The following SVIL variants were observed in gnomAD, a reference collection of about 807,000 sequenced individuals.
The protein encoded by SVIL is supervillin, also known as archvillin.
Under a neutral mutation model 240.4 loss-of-function variants are expected in SVIL, and 101 were observed. The observed-to-expected ratio is 0.42, with a 90% CI of 0.36 to 0.50. SVIL has a LOEUF of 0.50. Ranked by LOEUF, SVIL falls within the 20% of genes least tolerant of loss-of-function variation. The pLI, the probability that SVIL is intolerant of heterozygous loss-of-function variation, is 0.01. For missense variants in SVIL, 2,512 were observed against 2,818.7 expected, an observed-to-expected ratio of 0.89 and a Z score of 2.46; for synonymous variants, 999 against 1,100.0, an observed-to-expected ratio of 0.91 and a Z score of 1.82.
chr10:29,675,683 AT>A (rs545486128), intron 2 of SVIL, among the ~76,000 whole-genome samples: 18 of 151,892 alleles, frequency 1.2e-4, no homozygotes, highest in African/African-American at 3.1e-4. Context: ...AAAACTAATG[AT>A]TTTTTCCCCC....
At chr10:29,730,186 A>T (rs1964539248) in intron 1 of SVIL, among the ~76,000 whole-genome samples, 1 of 152,190 alleles carries the variant, frequency 6.6e-6, no homozygotes, top group Non-Finnish European at 1.5e-5. Context: ...TCTAAAAAAG[A>T]AAAAAGTAAA....
chr10:29,497,173 G>A (rs1208442420), intron 18 of SVIL, among the ~76,000 whole-genome samples: 5 of 152,178 alleles, frequency 3.3e-5, no homozygotes, highest in South Asian at 2.1e-4. Flanking sequence ...GATTTCCCAC[G>A]TCTCGCTCCT....
At chr10:29,637,916 A>T (rs570684934), upstream of SVIL, among the ~76,000 whole-genome samples, 1 of 152,200 alleles carries the variant, frequency 6.6e-6, no homozygotes, top group Non-Finnish European at 1.5e-5. Flanking sequence ...AGATGACAAC[A>T]TTATAGAAAT....
At chr10:29,491,466 G>T (rs970191048) in intron 21 of SVIL, among the ~76,000 whole-genome samples, 1 of 152,098 alleles carries the variant, frequency 6.6e-6, no homozygotes, top group East Asian at 1.9e-4. Context: ...CTCTTCGCTC[G>T]GCCTAAACTT....
intron 11 of SVIL, among the ~76,000 whole-genome samples, chr10:29,530,155 G>A (rs1213416763): frequency 6.6e-6 from 1 of 152,140 alleles, no homozygotes; most frequent in Non-Finnish European, 1.5e-5. Context: ...CCCTGAGTGA[G>A]AGAGTGAGAC....
Position 29,474,005 on chromosome 10 carries a change from G to A in SVIL, c.5378-16C>T. 6.2e-7 allele frequency: 1 copy of A among 1,611,460 alleles called. No homozygotes were observed. The stretch of plus-strand genomic sequence containing the variant: ...CGACTTCCCACTGCAAACACAGAAT[G>A]GCAGAGGGACAGGTCAGCAGCTGAG... On this transcript the variant is annotated splice_polypyrimidine_tract_variant and intron_variant, in intron 29 of 37. Transcript: ENST00000355867.
chr10:29,547,092 A>AT (rs552565504), intron 6 of SVIL, among the ~76,000 whole-genome samples: 2 of 151,918 alleles, frequency 1.3e-5, no homozygotes, highest in African/African-American at 2.4e-5. Flanking sequence ...GTTACCACAT[A>AT]TTTTTTTTGG....
Position 29,725,028 on chromosome 10 carries a change from CAAAAAAAAAA to C in SVIL, c.-400+10713_-400+10722del, listed in dbSNP as rs1187861054. ...TGGGCTACAGAGTGAGACCCGGTCT[CAAAAAAAAAA>C]AAAAAAAAAAAAAAAGCATGCATGC... On this transcript the variant is annotated intron_variant, in intron 1 of 35. Transcript: ENST00000375400. Among the ~76,000 whole-genome samples the C allele has an allele frequency of 7.1e-3, 291 of 40,960 alleles. 2 individuals carry two copies. Among genetic ancestry groups the C allele is most frequent in the South Asian group, 0.048 (36 of 754 alleles). 26.9% of individuals were successfully genotyped at this position (40,960 alleles called of 152,430 possible).
intron 17 of SVIL, among the ~76,000 whole-genome samples, chr10:29,505,208 C>T (rs887415250): frequency 2.6e-5 from 4 of 152,218 alleles, no homozygotes; most frequent in Middle Eastern, 3.4e-3. Context: ...CGCCTGCAAT[C>T]GCAGCTACTC....
At chr10:29,732,373 T>A (rs1964671950) in intron 1 of SVIL, among the ~76,000 whole-genome samples, 1 of 152,194 alleles carries the variant, frequency 6.6e-6, no homozygotes, top group Admixed American at 6.5e-5. Flanking sequence ...AGATGTATTA[T>A]AAGAAATTAT....
chr10:29,709,025 A>G (rs1273273241), intron 1 of SVIL, among the ~76,000 whole-genome samples: 1 of 152,144 alleles, frequency 6.6e-6, no homozygotes, highest in Non-Finnish European at 1.5e-5. Context: ...AAAATTGAAG[A>G]AAAGATTAAA....
chr10:29,644,619 C>T lies in SVIL; in HGVS notation c.-201+13350G>A, dbSNP rs548947129. Among the ~76,000 whole-genome samples the T allele has an allele frequency of 2.8e-3, 427 of 152,084 alleles. 1 individual carries two copies. The highest frequency in any genetic ancestry group is 9.0e-3 in the Admixed American group (137 of 15,268). On this transcript the variant is annotated intron_variant, in intron 3 of 35. Transcript: ENST00000375400. ...CCAGGAGGCGGAGCTTGCAGTGAGC[C>T]GAGATCATGCCACTGCACTCCAGCC...
intron 1 of SVIL, among the ~76,000 whole-genome samples, chr10:29,600,537 A>C (rs942369363): frequency 2.6e-5 from 4 of 152,198 alleles, no homozygotes; most frequent in African/African-American, 9.6e-5. Flanking sequence ...CAGGTTGGCT[A>C]AGGTGCTGTC....
chr10:29,474,584 G>A (rs1362101522), intron 29 of SVIL, among the ~76,000 whole-genome samples: 1 of 147,580 alleles, frequency 6.8e-6, no homozygotes, highest in Non-Finnish European at 1.5e-5. Context: ...GACAGAGTGA[G>A]ACTCTCTTAC....
chr10:29,477,100 T>C (rs1311074271), intron 29 of SVIL, among the ~76,000 whole-genome samples: 1 of 152,150 alleles, frequency 6.6e-6, no homozygotes, highest in Admixed American at 6.5e-5. Context: ...CCTGACCTCG[T>C]GATTTGCCTG....
chr10:29,616,385 G>A (rs532542198), intron 1 of SVIL, among the ~76,000 whole-genome samples: 6 of 152,188 alleles, frequency 3.9e-5, no homozygotes, highest in African/African-American at 7.2e-5. Flanking sequence ...TCTGAGGTTC[G>A]GGCAATTGTG....
intron 1 of SVIL, among the ~76,000 whole-genome samples, chr10:29,703,001 A>T (rs1338097232): frequency 2.0e-5 from 3 of 152,230 alleles, no homozygotes; most frequent in African/African-American, 7.2e-5. Context: ...TGTAAAAAAA[A>T]AGAATGCATC....
At chr10:29,468,033 T>C (rs756875998) in intron 32 of SVIL, among the ~76,000 whole-genome samples, 158 bp from the exon 33 acceptor site, 1 of 152,232 alleles carries the variant, frequency 6.6e-6, no homozygotes, top group Non-Finnish European at 1.5e-5. Flanking sequence ...GATTTCAGTT[T>C]ATTCACAGAG....
chr10:29,573,195 C>T (rs1955528951), intron 1 of SVIL, among the ~76,000 whole-genome samples: 1 of 152,050 alleles, frequency 6.6e-6, no homozygotes, highest in Non-Finnish European at 1.5e-5. Flanking sequence ...TGTTTTTCAG[C>T]TCTTGTCCCC....
Sources: gnomAD v4.1 joint callset for allele counts (sites outside exome capture counted in the v4.1 genomes callset) on GRCh38, gnomAD v4.1.1 for gene constraint, MANE v1.5 for transcripts, NCBI Gene and HGNC (gene_info 2026-07-23, HGNC 2026-07-21) for gene names.